NTM: variants seen among roughly 807,000 people sequenced by gnomAD.
NTM encodes the protein neurotrimin.
A neutral mutation model predicts 42.1 loss-of-function variants in NTM; 13 were observed. The observed-to-expected ratio is 0.31, with a 90% CI of 0.20 to 0.49. The LOEUF is 0.49. Ranked by LOEUF, NTM falls within the 20% of genes least tolerant of loss-of-function variation. The pLI is 0.99. For missense variants in NTM, 373 were observed against 452.8 expected, an observed-to-expected ratio of 0.82 and a Z score of 1.60; for synonymous variants, 187 against 179.2, an observed-to-expected ratio of 1.04 and a Z score of -0.35.
intron 1 of NTM, among the ~76,000 whole-genome samples, chr11:131,789,955 C>CA (rs36050979): frequency 0.32 from 6,528 of 20,240 alleles, 2,113 homozygotes; most frequent in Non-Finnish European, 0.45. Context: ...GACTCCGTCT[C>CA]AAAAAAAAAA....
intron 2 of NTM, among the ~76,000 whole-genome samples, chr11:131,945,242 G>A (rs1473695391): frequency 1.3e-5 from 2 of 152,126 alleles, no homozygotes; most frequent in African/African-American, 2.4e-5. Context: ...CCTGTCTCAC[G>A]CACACACACA....
At position 131,970,707 on chromosome 11, in the gene NTM, T is replaced by A. The variant is rs571319346; in HGVS notation, c.167+59059T>A. ...ATTCTTCATTCCTGATCCCACTCAT[T>A]ATTCTTCATTATTTTTACCACAGAT... On this transcript the variant is annotated intron_variant, in intron 2 of 8. Coordinates refer to ENST00000683400, the MANE Select transcript of NTM (RefSeq NM_001352005.2). 1.4e-3 allele frequency among the ~76,000 whole-genome samples: 209 copies of A among 152,318 alleles called. 2 individuals carry two copies. Among genetic ancestry groups the A allele is most frequent in the South Asian group, 7.5e-3 (36 of 4,818 alleles).
intron 7 of NTM, among the ~76,000 whole-genome samples, chr11:132,327,134 TA>T (rs1202364920): frequency 2.0e-5 from 3 of 152,174 alleles, no homozygotes; most frequent in Non-Finnish European, 4.4e-5. Flanking sequence ...CTCACGGTGA[TA>T]AATAAGGACT....
rs371972753 is a variant in NTM at position 131,626,755 on chromosome 11, G to A, written c.82+255867G>A. ...ATTCTCCATCTGTGACCTGCAGCTA[G>A]ACTTCTTCCATGGCCCAGTTCTCCC... is the stretch of plus-strand genomic sequence containing the variant. On this transcript the variant is annotated intron_variant, in intron 1 of 8. Coordinates refer to ENST00000683400, the MANE Select transcript of NTM (RefSeq NM_001352005.2). Among the ~76,000 whole-genome samples, 9 of 152,354 alleles carry A rather than the reference G, an allele frequency of 5.9e-5. No individual in the cohort carries two copies. The East Asian group carries it at 1.2e-3, about 20-fold the overall frequency.
chr11:132,181,211 A>G (rs2077528638), intron 3 of NTM, among the ~76,000 whole-genome samples: 1 of 151,974 alleles, frequency 6.6e-6, no homozygotes. Context: ...ACTCCATCTC[A>G]GTTTCTTTTC....
At chr11:131,628,455 C>G (rs536635869) in intron 1 of NTM, among the ~76,000 whole-genome samples, 73 of 152,286 alleles carry the variant, frequency 4.8e-4, no homozygotes, top group Non-Finnish European at 8.2e-4. Flanking sequence ...TTTGCCCAAG[C>G]GCACAGACAT....
intron 2 of NTM, among the ~76,000 whole-genome samples, chr11:132,009,971 G>T (rs529012561): frequency 2.0e-5 from 3 of 152,228 alleles, no homozygotes; most frequent in African/African-American, 7.2e-5. Context: ...GGCCGTGGAA[G>T]GTCACTGAGC....
chr11:131,738,953 CT>C (rs1438851207), intron 1 of NTM, among the ~76,000 whole-genome samples: 1 of 152,170 alleles, frequency 6.6e-6, no homozygotes, highest in African/African-American at 2.4e-5. Flanking sequence ...TCTATGGTCT[CT>C]TGGATTGAAC....
At chr11:131,477,159 T>C (rs1034639576) in intron 1 of NTM, among the ~76,000 whole-genome samples, 14 of 152,088 alleles carry the variant, frequency 9.2e-5, no homozygotes, top group Non-Finnish European at 1.6e-4. Flanking sequence ...TCCAAGATGA[T>C]CCATGTAAGA....
chr11:131,999,176 A>AT lies in NTM; in HGVS notation c.167+87528_167+87529insT. On this transcript the variant is annotated intron_variant, in intron 2 of 8. Transcript: ENST00000683400. Reference sequence around the variant, plus strand: ...AGGCTCTGAGGGTGCAGAAGCAAGGAGGGGTCCCTGCAATGTGCTACTCCT... The same window carrying AT: ...AGGCTCTGAGGGTGCAGAAGCAAGGATGGGGTCCCTGCAATGTGCTACTCCT... 2.0e-5 allele frequency among the ~76,000 whole-genome samples: 3 copies of AT among 152,248 alleles called. No homozygotes were observed. The Middle Eastern group carries it at 0.01, about 518-fold the overall frequency.
intron 1 of NTM, among the ~76,000 whole-genome samples, chr11:131,672,888 C>A (rs1234959154): frequency 2.7e-3 from 78 of 28,590 alleles, no homozygotes; most frequent in East Asian, 5.4e-3. Flanking sequence ...ATTTCCCTTA[C>A]AACAGAGAAG....
chr11:131,987,891 G>A (rs1444705643), intron 2 of NTM, among the ~76,000 whole-genome samples: 1 of 152,226 alleles, frequency 6.6e-6, no homozygotes, highest in East Asian at 1.9e-4. Context: ...GCTAAATGCT[G>A]GAAACGCAGA....
intron 2 of NTM, among the ~76,000 whole-genome samples, chr11:131,997,561 T>C (rs2068303121): frequency 6.6e-6 from 1 of 152,172 alleles, no homozygotes; most frequent in Admixed American, 6.5e-5. Context: ...TGTGGCTGGA[T>C]AAAAAGGTGT....
intron 1 of NTM, among the ~76,000 whole-genome samples, chr11:131,452,539 C>CT (rs1156980897): frequency 6.6e-6 from 1 of 152,190 alleles, no homozygotes; most frequent in Non-Finnish European, 1.5e-5. Flanking sequence ...TTAATGATAA[C>CT]TTTTTTGCCA....
At chr11:131,757,085 T>G (rs1383356069) in intron 1 of NTM, among the ~76,000 whole-genome samples, 1 of 152,178 alleles carries the variant, frequency 6.6e-6, no homozygotes, top group Non-Finnish European at 1.5e-5. Flanking sequence ...CTGCTCCTAA[T>G]TCCATACATT....
chr11:132,322,153 G>T lies in NTM; in HGVS notation c.934+7450G>T, dbSNP rs569313440. Among the ~76,000 whole-genome samples, 446 of 151,840 alleles carry T rather than the reference G, an allele frequency of 2.9e-3. 3 individuals carry two copies. The highest frequency in any genetic ancestry group is 8.9e-3 in the African/African-American group (370 of 41,416). ...CAAAATAACCAGCTAACATCATAATGACAGGATCAAATTCACACATAACAC... is the reference window on the plus strand; with the variant it reads ...CAAAATAACCAGCTAACATCATAATTACAGGATCAAATTCACACATAACAC... On this transcript the variant is annotated intron_variant, in intron 7 of 8. Coordinates refer to ENST00000683400, the MANE Select transcript of NTM (RefSeq NM_001352005.2).
chr11:131,454,490 C>G (rs1357526659), intron 1 of NTM, among the ~76,000 whole-genome samples: 1 of 152,154 alleles, frequency 6.6e-6, no homozygotes, highest in African/African-American at 2.4e-5. Flanking sequence ...CCTTTACCCA[C>G]TTTAAGTGGA....
intron 1 of NTM, among the ~76,000 whole-genome samples, chr11:131,888,913 T>A (rs893017277): frequency 7.3e-5 from 11 of 151,568 alleles, no homozygotes; most frequent in South Asian, 2.1e-4. Context: ...TCTTTATTTT[T>A]TTTTTTTTTA....
At chr11:131,651,846 C>G (rs193257712) in intron 1 of NTM, among the ~76,000 whole-genome samples, 17 of 150,660 alleles carry the variant, frequency 1.1e-4, no homozygotes, top group Middle Eastern at 6.8e-3. Context: ...TCCCCGCCCC[C>G]CCGACCCAAA....
Sources: gnomAD v4.1 joint callset for allele counts (sites outside exome capture counted in the v4.1 genomes callset) on GRCh38, gnomAD v4.1.1 for gene constraint, MANE v1.5 for transcripts, NCBI Gene and HGNC (gene_info 2026-07-23, HGNC 2026-07-21) for gene names.